Variants in EML6 observed in about 807,000 individuals in gnomAD.
The protein encoded by EML6 is EMAP like 6, also known as echinoderm microtubule-associated protein-like 6.
EML6 carries 154 observed loss-of-function variants against 240.1 expected under a neutral mutation model. The observed-to-expected ratio is 0.64, with a 90% CI of 0.56 to 0.73. The LOEUF is 0.73. Ranked by LOEUF, EML6 falls within the 30% of genes least tolerant of loss-of-function variation. The probability of loss-of-function intolerance (pLI) is 0.00; values close to 1 mark genes in which losing one functional copy is unlikely to be tolerated. For missense variants in EML6, 2,964 were observed against 2,474.6 expected (o/e 1.20, Z -4.20); for synonymous variants, 1,148 against 899.0 (o/e 1.28, Z -4.95).
intron 17 of EML6, chr2:54,881,451 T>G (rs1264312970): frequency 6.6e-6 from 1 of 151,906 alleles, no homozygotes; most frequent in Non-Finnish European, 1.5e-5. Flanking sequence ...GGTCAGGAGT[T>G]CGAGACCAGC....
At chr2:54,952,922 G>T (rs773731286) in intron 31 of EML6, among the ~76,000 whole-genome samples, 1 of 152,122 alleles carries the variant, frequency 6.6e-6, no homozygotes, top group Non-Finnish European at 1.5e-5. Flanking sequence ...CCAAATAAAC[G>T]TTGGCCCCCA....
intron 28 of EML6, among the ~76,000 whole-genome samples, chr2:54,946,144 G>T (rs905815797): frequency 6.6e-6 from 1 of 152,156 alleles, no homozygotes; most frequent in African/African-American, 2.4e-5. Flanking sequence ...GTCTTGCCAG[G>T]CTCCCTCCTT....
intron 7 of EML6, among the ~76,000 whole-genome samples, chr2:54,842,973 C>T (rs1669542631): frequency 1.3e-5 from 2 of 152,154 alleles, no homozygotes; most frequent in Non-Finnish European, 2.9e-5. Flanking sequence ...AGACATGGTG[C>T]ATCTGTTTAT....
intron 32 of EML6, among the ~76,000 whole-genome samples, chr2:54,956,025 G>A (rs1202747281): frequency 6.6e-6 from 1 of 151,834 alleles, no homozygotes; most frequent in East Asian, 1.9e-4. Context: ...GAACGTGTGT[G>A]TGTGTGTGTG....
intron 14 of EML6, 24 bp downstream of exon 14, chr2:54,866,908 C>T (rs761590375): frequency 1.2e-5 from 16 of 1,379,734 alleles, no homozygotes; most frequent in South Asian, 3.7e-5. Context: ...CATGGGCGCC[C>T]GTATGTGTTC....
Position 54,962,543 on chromosome 2 carries a change from C to G in EML6, c.4989C>G (p.Thr1663=), listed in dbSNP as rs1247966411. 6 of 1,546,242 alleles carry G rather than the reference C, an allele frequency of 3.9e-6. No homozygotes were observed. The highest frequency in any genetic ancestry group is 5.2e-6 in the Non-Finnish European group (6 of 1,144,610). The change falls in exon 36 of 42, where the codon ACC becomes ACG. Residue 1663 remains threonine (T), a synonymous_variant. Transcript: ENST00000356458. ...AACAGGGAAAAATCTTAGTGGGAAC[C>G]AAAGACGGAGAAATAATTGAAGTTG... ...CRGKGKILVG[T]KDGEIIEVGE...
chr2:54,848,610 G>A (rs557742369), intron 9 of EML6, among the ~76,000 whole-genome samples: 5 of 151,194 alleles, frequency 3.3e-5, no homozygotes, highest in South Asian at 2.1e-4. Context: ...ATTAATAAAT[G>A]ATAGCAGGTA....
intron 2 of EML6, among the ~76,000 whole-genome samples, chr2:54,803,227 G>C (rs544942878): frequency 6.6e-6 from 1 of 152,286 alleles, no homozygotes; most frequent in East Asian, 1.9e-4. Context: ...TGTAGTTTCT[G>C]TATGGCCAGG....
chr2:54,920,959 C>G (rs762996199), intron 26 of EML6, among the ~76,000 whole-genome samples: 1 of 151,814 alleles, frequency 6.6e-6, no homozygotes, highest in Non-Finnish European at 1.5e-5. Flanking sequence ...ATTCAACATC[C>G]TCTCATGATT....
At chr2:54,727,713 A>G (rs965833809) in intron 2 of EML6, among the ~76,000 whole-genome samples, 4 of 152,228 alleles carry the variant, frequency 2.6e-5, no homozygotes, top group African/African-American at 9.6e-5. Flanking sequence ...TGTTTCCATC[A>G]GGTGAGATAG....
At chr2:54,839,658 C>G (rs1019464021) in intron 7 of EML6, among the ~76,000 whole-genome samples, 2 of 152,206 alleles carry the variant, frequency 1.3e-5, no homozygotes, top group East Asian at 3.8e-4. Context: ...CAAATGAAAT[C>G]GGAGATGGTG....
At chr2:54,884,143 G>A (rs115696044) in intron 17 of EML6, among the ~76,000 whole-genome samples, 16 of 152,166 alleles carry the variant, frequency 1.1e-4, no homozygotes, top group African/African-American at 3.4e-4. Context: ...TTCTGAGACC[G>A]TTCCCCTCAT....
intron 16 of EML6, among the ~76,000 whole-genome samples, chr2:54,872,904 A>G (rs1048694761): frequency 6.6e-6 from 1 of 152,044 alleles, no homozygotes; most frequent in African/African-American, 2.4e-5. Context: ...TATGGCACCC[A>G]TTGCTCTTGT....
intron 22 of EML6, among the ~76,000 whole-genome samples, chr2:54,901,133 G>T (rs1453270679): frequency 6.6e-6 from 1 of 152,224 alleles, no homozygotes; most frequent in Non-Finnish European, 1.5e-5. Flanking sequence ...GGAACCCCAT[G>T]AGTAAGGCTA....
Position 54,816,776 on chromosome 2 carries a change from C to T in EML6, c.358-11C>T. On this transcript the variant is annotated splice_polypyrimidine_tract_variant and intron_variant, in intron 3 of 41. Coordinates refer to ENST00000356458, the MANE Select transcript of EML6 (RefSeq NM_001039753.4). ...CACTTTTAGGTACTAAATTATTGTT[C>T]TTATTCTTAGCGTTTAGCCTCTGTG... 1.3e-6 allele frequency: 2 copies of T among 1,539,254 alleles called. No homozygotes were observed. The highest frequency in any genetic ancestry group is 1.7e-4 in the Middle Eastern group (1 of 5,966).
chr2:54,864,263 C>A (rs954208114), intron 13 of EML6, among the ~76,000 whole-genome samples: 1 of 152,120 alleles, frequency 6.6e-6, no homozygotes, highest in Admixed American at 6.5e-5. Flanking sequence ...GGATGGATAC[C>A]CTTGAGGCAT....
intron 21 of EML6, among the ~76,000 whole-genome samples, chr2:54,897,832 A>C (rs1672849873): frequency 6.6e-6 from 1 of 151,886 alleles, no homozygotes; most frequent in African/African-American, 2.4e-5. Context: ...GTATATGTGC[A>C]GTGGAATAAG....
chr2:54,928,011 T>C (rs1674648700), intron 26 of EML6, among the ~76,000 whole-genome samples: 1 of 152,222 alleles, frequency 6.6e-6, no homozygotes. Context: ...GGCAGCACAT[T>C]TGACATTTGA....
At chr2:54,788,381 GAGA>G (rs1669204378) in intron 2 of EML6, among the ~76,000 whole-genome samples, 1 of 152,172 alleles carries the variant, frequency 6.6e-6, no homozygotes, top group Non-Finnish European at 1.5e-5. Context: ...ACCCAGGTGA[GAGA>G]AGATCTACAA....
Sources: allele counts gnomAD v4.1 joint callset (sites outside exome capture counted in the v4.1 genomes callset), GRCh38; gene constraint gnomAD v4.1.1; transcripts MANE v1.5; gene names NCBI Gene and HGNC (gene_info 2026-07-23, HGNC 2026-07-21).